Variants in VIPR2 observed in about 807,000 individuals in gnomAD.
VIPR2 encodes vasoactive intestinal polypeptide receptor 2.
In VIPR2, 48 loss-of-function variants were observed where a neutral mutation model predicts 58.0. The observed-to-expected ratio is 0.83, with a 90% confidence interval of 0.66 to 1.05. The LOEUF is 1.05. Among genes scored for constraint, VIPR2 ranks in the 50% least tolerant of loss-of-function variants. VIPR2 has a pLI of 0.00. For missense variants in VIPR2, 534 were observed against 558.0 expected (o/e 0.96, Z 0.43); for synonymous variants, 243 against 235.2 (o/e 1.03, Z -0.30).
chr7:159,048,060 A>AT (rs1471166001), intron 5 of VIPR2, among the ~76,000 whole-genome samples: 1 of 152,230 alleles, frequency 6.6e-6, no homozygotes, highest in Non-Finnish European at 1.5e-5. Context: ...ATGATTTAGC[A>AT]TTTTTCTAAC....
Position 159,097,219 on chromosome 7 carries a change from C to T in VIPR2, c.357+6538G>A, listed in dbSNP as rs148756924. The T allele has an allele frequency of 2.8e-4, 400 of 1,419,984 alleles. No homozygotes were observed. The highest frequency in any genetic ancestry group is 2.7e-3 in the African/African-American group (190 of 69,620). 88.0% of individuals were successfully genotyped at this position (1,419,984 alleles called of 1,614,324 possible). A position where few individuals can be genotyped will look rare whatever the true frequency, so the allele number is the denominator to read the frequency against. Reference sequence around the variant, plus strand: ...GAGTGAAGTTTGCCATCAGTGGGAACGAGTCACTGCGGTGGCCTGAGTGCT... The same window carrying T: ...GAGTGAAGTTTGCCATCAGTGGGAATGAGTCACTGCGGTGGCCTGAGTGCT... On this transcript the variant is annotated intron_variant, in intron 4 of 12. Coordinates refer to ENST00000262178, the MANE Select transcript of VIPR2 (RefSeq NM_003382.5). The surrounding 1 kb of genome is among the most constrained non-coding windows in gnomAD (Gnocchi z 5.3).
rs967644238 is a variant in VIPR2 at position 159,098,144 on chromosome 7, G to A, written c.357+5613C>T. The stretch of plus-strand genomic sequence containing the variant: ...TGAGCTGTTCTGTTTTCCACGCAGT[G>A]GGAACCCCGGCCCCCATCCATCAGC... On this transcript the variant is annotated intron_variant, in intron 4 of 12. Coordinates refer to ENST00000262178, the MANE Select transcript of VIPR2 (RefSeq NM_003382.5). The surrounding 1 kb of genome is among the most constrained non-coding windows in gnomAD (Gnocchi z 5.2). 6.6e-6 allele frequency among the ~76,000 whole-genome samples: 1 copy of A among 152,178 alleles called. No individual in the cohort carries two copies. The highest frequency in any genetic ancestry group is 6.5e-5 in the Admixed American group (1 of 15,276).
chr7:159,135,018 TTTTTTTTTTTTTA>T (rs1169133011), intron 2 of VIPR2, among the ~76,000 whole-genome samples: 5 of 130,096 alleles, frequency 3.8e-5, no homozygotes, highest in Non-Finnish European at 6.5e-5. Context: ...TTTTTTTTTT[TTTTTTTTTTTTTA>T]ACATTTTAAG....
At chr7:159,032,145 G>A (rs953507245) in intron 10 of VIPR2, 78 bp from the exon 11 acceptor site, 8 of 1,572,030 alleles carry the variant, frequency 5.1e-6, no homozygotes, top group Non-Finnish European at 6.9e-6. Flanking sequence ...CTTCTCAGGA[G>A]GGGGCAGCTG....
At chr7:159,100,779 G>A (rs140087271) in intron 4 of VIPR2, among the ~76,000 whole-genome samples, 230 of 144,492 alleles carry the variant, frequency 1.6e-3, no homozygotes, top group African/African-American at 5.5e-3. Context: ...TCTCAGATCC[G>A]ACGAGGCGGT....
rs1219332559 is a variant in VIPR2 at position 159,128,167 on chromosome 7, A to T, written c.151+14279T>A. Among the ~76,000 whole-genome samples the T allele has an allele frequency of 6.6e-6, 1 of 151,466 alleles. No individual in the cohort carries two copies. The highest frequency in any genetic ancestry group is 2.4e-5 in the African/African-American group (1 of 41,166). ...GATGTGACGGGGGTGGGGGGACACC[A>T]CCCCAGCTTAGTCAGGGCCAGCAGC... On this transcript the variant is annotated intron_variant, in intron 2 of 12. Transcript: ENST00000262178. The surrounding 1 kb of genome is among the most constrained non-coding windows in gnomAD (Gnocchi z 4.1).
chr7:159,063,848 G>A (rs1339493325), intron 4 of VIPR2, among the ~76,000 whole-genome samples: 1 of 112,126 alleles, frequency 8.9e-6, no homozygotes, highest in African/African-American at 3.5e-5. Flanking sequence ...GGGGTCTGGG[G>A]GGCCTGGTGG....
intron 2 of VIPR2, among the ~76,000 whole-genome samples, chr7:159,141,996 G>T (rs1211772366): frequency 6.6e-6 from 1 of 152,154 alleles, no homozygotes; most frequent in Non-Finnish European, 1.5e-5. Flanking sequence ...CCGCAGGCCC[G>T]TCTTCAGCAC....
At chr7:159,078,099 G>A (rs765793646) in intron 4 of VIPR2, among the ~76,000 whole-genome samples, 2 of 152,176 alleles carry the variant, frequency 1.3e-5, no homozygotes, top group Non-Finnish European at 2.9e-5. Context: ...CACTTAGAGA[G>A]CTCATTGGAA....
chr7:159,049,751 A>G (rs1854875027), intron 5 of VIPR2, among the ~76,000 whole-genome samples: 1 of 152,212 alleles, frequency 6.6e-6, no homozygotes, highest in African/African-American at 2.4e-5. Context: ...GGCAAGCACC[A>G]GGATTCAGGG....
At chr7:159,121,436 C>A (rs528616230) in intron 2 of VIPR2, among the ~76,000 whole-genome samples, 2 of 152,280 alleles carry the variant, frequency 1.3e-5, no homozygotes, top group Admixed American at 6.5e-5. Flanking sequence ...GGGAAGAGGA[C>A]CTCCCTGCTT....
chr7:159,105,018 A>G (rs1226380828), intron 3 of VIPR2, among the ~76,000 whole-genome samples: 1 of 152,240 alleles, frequency 6.6e-6, no homozygotes. Context: ...ATTGTAGGAA[A>G]CCAAGGCAGT....
chr7:159,141,710 C>G (rs1797472571), intron 2 of VIPR2, among the ~76,000 whole-genome samples: 1 of 152,258 alleles, frequency 6.6e-6, no homozygotes, highest in Non-Finnish European at 1.5e-5. Flanking sequence ...TCTGTTGCTG[C>G]TGGGCAGGGC....
At position 159,106,617 on chromosome 7, in the gene VIPR2, C is replaced by T. The variant is rs115086573; in HGVS notation, c.260-2763G>A. 4.4e-3 allele frequency among the ~76,000 whole-genome samples: 415 copies of T among 94,054 alleles called. 4 individuals are homozygous for T. The highest frequency in any genetic ancestry group is 0.017 in the African/African-American group (394 of 23,560). 61.7% of individuals were successfully genotyped at this position (94,054 alleles called of 152,430 possible). On this transcript the variant is annotated intron_variant, in intron 3 of 12. Transcript: ENST00000262178. ...AGGCCAGGTAGGTGCTGAGAGAGGC[C>T]GGGAAGGGGCAGAAAGGCCAGGGAG...
chr7:159,102,225 G>A (rs1858343390), intron 4 of VIPR2, among the ~76,000 whole-genome samples: 1 of 151,218 alleles, frequency 6.6e-6, no homozygotes, highest in Non-Finnish European at 1.5e-5. Flanking sequence ...CAGAAGATCC[G>A]ATGAGGCGGT....
At chr7:159,054,791 G>A (rs1031395192) in intron 5 of VIPR2, among the ~76,000 whole-genome samples, 8 of 152,066 alleles carry the variant, frequency 5.3e-5, no homozygotes, top group South Asian at 2.1e-4. Flanking sequence ...ATGGACACAC[G>A]GTAACTGTAC....
chr7:159,089,757 C>A (rs1857358801), intron 4 of VIPR2, among the ~76,000 whole-genome samples: 1 of 152,160 alleles, frequency 6.6e-6, no homozygotes, highest in Non-Finnish European at 1.5e-5. Context: ...TGCACGGGAC[C>A]CTAACAACTA....
chr7:159,063,965 G>A (rs1157920340), intron 4 of VIPR2, among the ~76,000 whole-genome samples: 17 of 150,750 alleles, frequency 1.1e-4, no homozygotes, highest in African/African-American at 4.2e-4. Flanking sequence ...TCCGGGGGTC[G>A]TGGAGCACCC....
At position 159,030,338 on chromosome 7, in the gene VIPR2, G is replaced by A. The variant is rs1853461018; in HGVS notation, c.*278C>T. 2 of 256,844 alleles carry A rather than the reference G, an allele frequency of 7.8e-6. No homozygotes were observed. Among genetic ancestry groups the A allele is most frequent in the Admixed American group, 9.2e-5 (1 of 10,850 alleles). 15.9% of individuals were successfully genotyped at this position (256,844 alleles called of 1,614,324 possible). ...AGCCTGGGCGACAGAGCGAGACTCC[G>A]TCTCAAAAAAAAAAAAAAAAAAAAA... On this transcript the variant is annotated 3_prime_UTR_variant, in exon 13 of 13. Coordinates refer to ENST00000262178, the MANE Select transcript of VIPR2 (RefSeq NM_003382.5).
Sources: gnomAD v4.1 joint callset for allele counts (sites outside exome capture counted in the v4.1 genomes callset) on GRCh38, gnomAD v4.1.1 for gene constraint, Gnocchi (gnomAD v3.1) non-coding constraint, MANE v1.5 for transcripts, NCBI Gene and HGNC (gene_info 2026-07-23, HGNC 2026-07-21) for gene names.